Variants in CREBBP observed in about 807,000 individuals in gnomAD.
CREBBP encodes CREB-binding protein.
Under a neutral mutation model 265.0 loss-of-function variants are expected in CREBBP, and 19 were observed. The observed-to-expected ratio is 0.07, with a 90% CI of 0.05 to 0.11. The LOEUF is 0.11. Ranked by LOEUF, CREBBP falls within the 10% of genes least tolerant of loss-of-function variation. The pLI is 1.00. For synonymous variants in CREBBP, 1,457 were observed against 1,223.7 expected (o/e 1.19, Z -3.98); for missense variants, 2,525 against 3,219.0 (o/e 0.78, Z 5.22).
intron 16 of CREBBP, among the ~76,000 whole-genome samples, chr16:3,764,037 C>A (rs1317960120): frequency 1.3e-5 from 2 of 152,058 alleles, no homozygotes; most frequent in Non-Finnish European, 2.9e-5. Flanking sequence ...GAAAAGAAAG[C>A]CAACATCACC....
Position 3,757,738 on chromosome 16 carries a change from A to G in CREBBP, c.3609+71T>C, listed in dbSNP as rs1159720374. 1.1e-5 allele frequency: 18 copies of G among 1,599,782 alleles called. No homozygotes were observed. The South Asian group carries it at 1.3e-4, about 12-fold the overall frequency. Reference sequence around the variant, plus strand: ...ACTCCCAGTATACAGGCGTGGTCTCATATTAGTATAACACCCCTCTGGCTG... The same window carrying G: ...ACTCCCAGTATACAGGCGTGGTCTCGTATTAGTATAACACCCCTCTGGCTG... On this transcript the variant is annotated intron_variant, in intron 18 of 30. Transcript: ENST00000262367.
At chr16:3,745,483 G>A in intron 21 of CREBBP, 129 bp from the exon 22 acceptor site, 1 of 769,360 alleles carries the variant, frequency 1.3e-6, no homozygotes. Context: ...ATTAATGCGT[G>A]TGTTGGCTGA....
At chr16:3,837,199 G>C (rs115570130) in intron 2 of CREBBP, among the ~76,000 whole-genome samples, 90 of 152,300 alleles carry the variant, frequency 5.9e-4, no homozygotes, top group African/African-American at 2.0e-3. Flanking sequence ...AGTGGGACAA[G>C]ATGTGGAGGA....
chr16:3,780,826 T>C lies in CREBBP; in HGVS notation c.1729A>G (p.Ile577Val). The C allele has an allele frequency of 1.2e-6, 2 of 1,613,902 alleles. No homozygotes were observed. The highest frequency in any genetic ancestry group is 1.7e-6 in the Non-Finnish European group (2 of 1,180,024). The part of the protein sequence containing the change: ...NSGNIGTLST[I>V]PTAAPPSSTG... The stretch of plus-strand genomic sequence containing the variant: ...CTAGAAGGAGGAGCTGCTGTTGGTA[T>C]AGTGCTGAGGGTTCCAATGTTACCA... The change falls in exon 8 of 31, where the codon ATA becomes GTA. Residue 577 changes from isoleucine to valine, a missense_variant. Around this residue, in one of 19 missense-constraint regions of CREBBP, gnomAD observed 144 missense variants for 134.0 expected, o/e 1.07. Coordinates refer to ENST00000262367, the MANE Select transcript of CREBBP (RefSeq NM_004380.3).
At chr16:3,730,786 C>G (rs1423600968) in intron 30 of CREBBP, among the ~76,000 whole-genome samples, 1 of 152,102 alleles carries the variant, frequency 6.6e-6, no homozygotes, top group Non-Finnish European at 1.5e-5. Context: ...GCAAGGGACA[C>G]CCACGTCATT....
intron 2 of CREBBP, among the ~76,000 whole-genome samples, chr16:3,841,497 C>G (rs2054566357): frequency 6.6e-6 from 1 of 151,898 alleles, no homozygotes; most frequent in Non-Finnish European, 1.5e-5. Context: ...AAAAATTAGC[C>G]AGGCATGATG....
intron 2 of CREBBP, among the ~76,000 whole-genome samples, chr16:3,821,992 T>C (rs1462636933): frequency 2.0e-5 from 3 of 151,994 alleles, no homozygotes; most frequent in African/African-American, 7.3e-5. Context: ...GAGTAGGAGG[T>C]TGCAGTGAGC....
At chr16:3,878,604 AT>A (rs1433887624) in intron 1 of CREBBP, among the ~76,000 whole-genome samples, 25 of 152,362 alleles carry the variant, frequency 1.6e-4, no homozygotes, top group South Asian at 6.2e-4. Flanking sequence ...TTTTTTTAAT[AT>A]GCTAGTGGTC....
In CREBBP at chr16:3,770,815, G is replaced by A. The variant is rs779479811; in HGVS notation, c.2635C>T (p.Pro879Ser). Residue 879 changes from proline (P) to serine (S), a missense_variant, in exon 14 of 31, where the codon CCT becomes TCT. By Grantham distance (74) the Pro-to-Ser change is moderately conservative. Coordinates refer to ENST00000262367, the MANE Select transcript of CREBBP (RefSeq NM_004380.3). Reference protein sequence around the residue: ...LQHTTPPGMTPPQPAAPTQPS... With the variant: ...LQHTTPPGMTSPQPAAPTQPS... ...TGAGTGGGAGCTGCTGGCTGGGGAG[G>A]AGTCATCCCAGGTGGTGTCGTGTGC... 26 of 1,613,940 alleles carry A rather than the reference G, an allele frequency of 1.6e-5. No individual in the cohort carries two copies. The East Asian group carries it at 3.6e-4, about 22-fold the overall frequency.
At position 3,791,582 on chromosome 16, in the gene CREBBP, T is replaced by C. The variant is rs151325921; in HGVS notation, c.1330+399A>G. ...GGGCTTTCCAATTCCAAAAGAAGTA[T>C]CCCCTCTATCCCCCTCCCTAAGACG... On this transcript the variant is annotated intron_variant, in intron 5 of 30. Transcript: ENST00000262367. Among the ~76,000 whole-genome samples the C allele has an allele frequency of 7.6e-3, 1,162 of 152,254 alleles. 13 individuals are homozygous for C. The highest frequency in any genetic ancestry group is 0.034 in the Middle Eastern group (10 of 294).
chr16:3,731,639 C>G lies in CREBBP; in HGVS notation c.4890+137G>C. On this transcript the variant is annotated intron_variant, in intron 29 of 30. Transcript: ENST00000262367. The surrounding 1 kb of genome is among the most constrained non-coding windows in gnomAD (Gnocchi z 7.7). ...ATTGGTGACACGTTGCATGATGTCA[C>G]CCAACTGGTCCACTTGGTTTCCTGG... The G allele has an allele frequency of 7.1e-7, 1 of 1,415,544 alleles. No homozygotes were observed. Among genetic ancestry groups the G allele is most frequent in the Non-Finnish European group, 9.9e-7 (1 of 1,007,296 alleles). 87.7% of individuals were successfully genotyped at this position (1,415,544 alleles called of 1,614,324 possible).
chr16:3,847,178 C>CTAAG (rs2054685181), intron 2 of CREBBP, among the ~76,000 whole-genome samples: 1 of 152,160 alleles, frequency 6.6e-6, no homozygotes, highest in African/African-American at 2.4e-5. Context: ...CAGAGGCCAT[C>CTAAG]TAAGGTACAC....
At chr16:3,742,228 T>G (rs183784175) in intron 23 of CREBBP, 1 of 152,298 alleles carries the variant, frequency 6.6e-6, no homozygotes, top group African/African-American at 2.4e-5. Context: ...CACAGGGGTC[T>G]AGGCGCAGGC....
chr16:3,789,436 G>A (rs565540552), intron 5 of CREBBP, among the ~76,000 whole-genome samples: 1 of 152,152 alleles, frequency 6.6e-6, no homozygotes, highest in South Asian at 2.1e-4. Context: ...AAAGTAGTCA[G>A]GTGCGCTCCA....
intron 2 of CREBBP, among the ~76,000 whole-genome samples, chr16:3,826,913 A>G (rs1305664426): frequency 1.3e-5 from 2 of 152,162 alleles, no homozygotes; most frequent in African/African-American, 4.8e-5. Flanking sequence ...AGAGGCTAAC[A>G]ATAGGAAGTG....
At chr16:3,851,719 T>C (rs1268611235) in intron 1 of CREBBP, among the ~76,000 whole-genome samples, 4 of 151,416 alleles carry the variant, frequency 2.6e-5, no homozygotes, top group Non-Finnish European at 5.9e-5. Flanking sequence ...CCGGGCGCGG[T>C]GGCGGGCGCC....
chr16:3,730,313 C>T (rs1354697591), intron 30 of CREBBP, among the ~76,000 whole-genome samples: 1 of 152,186 alleles, frequency 6.6e-6, no homozygotes, highest in Admixed American at 6.5e-5. Flanking sequence ...AACTCCTGTA[C>T]TCAAACTATG....
rs192247340 is a variant in CREBBP at position 3,735,361 on chromosome 16, A to G, written c.4728+675T>C. Among the ~76,000 whole-genome samples the G allele has an allele frequency of 2.3e-3, 350 of 152,186 alleles. 1 individual carries two copies. Among genetic ancestry groups the G allele is most frequent in the Non-Finnish European group, 3.8e-3 (257 of 67,998 alleles). ...TCCTGGGCTGGAGTGCAACGGCGCAATCTAGGCTCACTGCAACCTCCGCCT... is the reference window on the plus strand; with the variant it reads ...TCCTGGGCTGGAGTGCAACGGCGCAGTCTAGGCTCACTGCAACCTCCGCCT... On this transcript the variant is annotated intron_variant, in intron 28 of 30. Transcript: ENST00000262367.
chr16:3,732,064 T>C lies in CREBBP; in HGVS notation c.4729-127A>G, dbSNP rs542784505. 344 of 1,551,734 alleles carry C rather than the reference T, an allele frequency of 2.2e-4. No individual in the cohort carries two copies. In the African/African-American group the frequency reaches 4.2e-3, roughly 19 times the overall value. ...GTAGGTCACCACCAGGCAGACCCCA[T>C]ACGTGAACGGCTACAGGTGGCTGTA... On this transcript the variant is annotated intron_variant, in intron 28 of 30. Coordinates refer to ENST00000262367, the MANE Select transcript of CREBBP (RefSeq NM_004380.3).
Sources: allele counts gnomAD v4.1 joint callset (sites outside exome capture counted in the v4.1 genomes callset), GRCh38; gene constraint gnomAD v4.1.1; regional missense constraint gnomAD v4.1.1; non-coding constraint Gnocchi (gnomAD v3.1); transcripts MANE v1.5; gene names NCBI Gene and HGNC (gene_info 2026-07-23, HGNC 2026-07-21).